The following NECAB1 variants were observed in gnomAD, a reference collection of about 807,000 sequenced individuals.
NECAB1 encodes N-terminal EF-hand calcium binding protein 1.
NECAB1 carries 29 observed loss-of-function variants against 57.5 expected under a neutral mutation model. The ratio of observed to expected loss-of-function variants is 0.50; its 90% CI spans 0.38 to 0.69. NECAB1 has a LOEUF of 0.69. Ranked by LOEUF, NECAB1 falls within the 30% of genes least tolerant of loss-of-function variation. The pLI, the probability that NECAB1 is intolerant of heterozygous loss-of-function variation, is 0.00. For synonymous variants in NECAB1, 142 were observed against 147.7 expected, an observed-to-expected ratio of 0.96 and a Z score of 0.28; for missense variants, 372 against 413.8, an observed-to-expected ratio of 0.90 and a Z score of 0.88.
chr8:90,837,841 C>T (rs1251231554), intron 3 of NECAB1, among the ~76,000 whole-genome samples: 2 of 152,168 alleles, frequency 1.3e-5, no homozygotes, highest in Non-Finnish European at 2.9e-5. Context: ...TTAGAATGGA[C>T]TGTAAGAGGT....
At chr8:90,860,243 T>TC (rs1554568718) in intron 3 of NECAB1, among the ~76,000 whole-genome samples, 11 of 150,952 alleles carry the variant, frequency 7.3e-5, no homozygotes, top group African/African-American at 2.7e-4. Flanking sequence ...TTTTTCTTTT[T>TC]TTTTTTTTTT....
intron 8 of NECAB1, among the ~76,000 whole-genome samples, chr8:90,931,495 AG>A (rs956700057): frequency 1.3e-5 from 2 of 152,196 alleles, no homozygotes; most frequent in Non-Finnish European, 2.9e-5. Flanking sequence ...TATAACACTT[AG>A]CAATTTCTAT....
At chr8:90,938,887 TG>T (rs1810603338) in intron 9 of NECAB1, among the ~76,000 whole-genome samples, 1 of 152,228 alleles carries the variant, frequency 6.6e-6, no homozygotes, top group African/African-American at 2.4e-5. Context: ...TGGGATCAAC[TG>T]GCTGGTTCTT....
In NECAB1 at chr8:90,917,629, G is replaced by T; in HGVS notation, c.494+1G>T. ...CTGAGGAGCAAACCCGTCAAGAAAG[G>T]CAATTTACATGTTTTCATCTGATGT... is the stretch of plus-strand genomic sequence containing the variant. On this transcript the variant is annotated splice_donor_variant, in intron 6 of 12. Coordinates refer to ENST00000417640, the MANE Select transcript of NECAB1 (RefSeq NM_022351.5). LOFTEE classifies it high-confidence loss of function. 6.2e-7 allele frequency: 1 copy of T among 1,605,392 alleles called. No homozygotes were observed. Among genetic ancestry groups the T allele is most frequent in the Non-Finnish European group, 8.5e-7 (1 of 1,175,430 alleles).
At chr8:90,808,364 C>T (rs902420321) in intron 2 of NECAB1, among the ~76,000 whole-genome samples, 1 of 152,184 alleles carries the variant, frequency 6.6e-6, no homozygotes, top group African/African-American at 2.4e-5. Flanking sequence ...TCTGCTCCAT[C>T]TAGATCCCAG....
chr8:90,793,982 T>G (rs950932689), intron 1 of NECAB1, among the ~76,000 whole-genome samples: 2 of 152,194 alleles, frequency 1.3e-5, no homozygotes, highest in African/African-American at 4.8e-5. Context: ...CTAAAGGAAC[T>G]TGTAGTCTGT....
chr8:90,927,423 G>T (rs1335827987), intron 7 of NECAB1, among the ~76,000 whole-genome samples: 1 of 151,836 alleles, frequency 6.6e-6, no homozygotes, highest in Non-Finnish European at 1.5e-5. Context: ...CTGATTTCAA[G>T]AAATATTAAA....
At chr8:90,850,431 T>C (rs1373949373) in intron 3 of NECAB1, among the ~76,000 whole-genome samples, 2 of 152,352 alleles carry the variant, frequency 1.3e-5, no homozygotes, top group South Asian at 4.1e-4. Flanking sequence ...AAAGAAGATT[T>C]AGGCTTGAAA....
intron 5 of NECAB1, among the ~76,000 whole-genome samples, chr8:90,903,226 TAG>T (rs751979676): frequency 2.0e-5 from 3 of 152,076 alleles, no homozygotes; most frequent in Non-Finnish European, 2.9e-5. Flanking sequence ...ATTAAATTTA[TAG>T]AGTTATACAA....
chr8:90,899,798 T>C (rs1447060190), intron 5 of NECAB1, among the ~76,000 whole-genome samples: 1 of 152,212 alleles, frequency 6.6e-6, no homozygotes, highest in African/African-American at 2.4e-5. Flanking sequence ...TTCAGGTGGG[T>C]GCTTGTTTCT....
chr8:90,834,824 T>C (rs1812344133), intron 3 of NECAB1, among the ~76,000 whole-genome samples: 1 of 152,152 alleles, frequency 6.6e-6, no homozygotes. Flanking sequence ...ATTTTAATCA[T>C]GGAAAACTCT....
intron 10 of NECAB1, among the ~76,000 whole-genome samples, chr8:90,946,021 C>T (rs1233905162): frequency 6.6e-6 from 1 of 152,180 alleles, no homozygotes. Context: ...AAGCCCTAAG[C>T]CTTTAACAAC....
rs971587917 is a variant in NECAB1, at chr8:90,956,282, G to C, written c.*770G>C. 2.6e-5 allele frequency: 4 copies of C among 151,724 alleles called. No individual in the cohort carries two copies. Among genetic ancestry groups the C allele is most frequent in the Admixed American group, 6.6e-5 (1 of 15,178 alleles). 9.4% of individuals were successfully genotyped at this position (151,724 alleles called of 1,614,324 possible). Reference sequence around the variant, plus strand: ...TTCAAGTTTTATGCTATATAGTTTTGGTATGCGATACAGACAGCTAACTTT... The same window carrying C: ...TTCAAGTTTTATGCTATATAGTTTTCGTATGCGATACAGACAGCTAACTTT... On this transcript the variant is annotated 3_prime_UTR_variant, in exon 13 of 13. Transcript: ENST00000417640.
At chr8:90,870,812 T>C (rs1170483470) in intron 3 of NECAB1, among the ~76,000 whole-genome samples, 1 of 152,218 alleles carries the variant, frequency 6.6e-6, no homozygotes, top group Non-Finnish European at 1.5e-5. Flanking sequence ...GTTGGAATAA[T>C]GCCTGGCACA....
chr8:90,941,352 C>G (rs1424940648), intron 10 of NECAB1, among the ~76,000 whole-genome samples: 1 of 152,156 alleles, frequency 6.6e-6, no homozygotes, highest in African/African-American at 2.4e-5. Context: ...TGCAGGCATC[C>G]CTGAAGTCAT....
chr8:90,857,770 CT>C (rs1443380646), intron 3 of NECAB1, among the ~76,000 whole-genome samples: 3 of 151,940 alleles, frequency 2.0e-5, no homozygotes, highest in Non-Finnish European at 4.4e-5. Flanking sequence ...GAAATTGGAC[CT>C]CTTAGTCATT....
chr8:90,796,242 C>A (rs1586027179), intron 1 of NECAB1, among the ~76,000 whole-genome samples: 1 of 152,122 alleles, frequency 6.6e-6, no homozygotes, highest in African/African-American at 2.4e-5. Flanking sequence ...TCCCATCTGA[C>A]CCCAGGCAGT....
intron 3 of NECAB1, among the ~76,000 whole-genome samples, chr8:90,827,393 G>T (rs1340163977): frequency 1.3e-5 from 2 of 151,988 alleles, no homozygotes; most frequent in Non-Finnish European, 2.9e-5. Flanking sequence ...TGCTGCTGAG[G>T]CCCCTGTGGC....
At chr8:90,811,865 T>G (rs1811966302) in intron 2 of NECAB1, among the ~76,000 whole-genome samples, 1 of 152,208 alleles carries the variant, frequency 6.6e-6, no homozygotes, top group Non-Finnish European at 1.5e-5. Context: ...TTTCTCTGAT[T>G]TATCAACTAG....
Sources: gnomAD v4.1 joint callset for allele counts (sites outside exome capture counted in the v4.1 genomes callset) on GRCh38, gnomAD v4.1.1 for gene constraint, MANE v1.5 for transcripts, NCBI Gene and HGNC (gene_info 2026-07-23, HGNC 2026-07-21) for gene names.